TMPRSS11F: variants seen among roughly 807,000 people sequenced by gnomAD.
The protein encoded by TMPRSS11F is transmembrane serine protease 11F.
A neutral mutation model predicts 60.2 loss-of-function variants in TMPRSS11F; 47 were observed. The observed-to-expected ratio is 0.78, with a 90% confidence interval of 0.62 to 1.00. The LOEUF is 1.00. Ranked by LOEUF, TMPRSS11F falls within the 50% of genes least tolerant of loss-of-function variation. The pLI is 0.00. For synonymous variants in TMPRSS11F, 166 were observed against 167.3 expected (o/e 0.99, Z 0.06); for missense variants, 519 against 522.9 (o/e 0.99, Z 0.07).
Position 68,070,609 on chromosome 4 carries a change from C to T in TMPRSS11F, c.515-602G>A, listed in dbSNP as rs533058436. 9.2e-5 allele frequency among the ~76,000 whole-genome samples: 14 copies of T among 152,350 alleles called. 1 individual carries two copies. The highest frequency in any genetic ancestry group is 3.1e-4 in the African/African-American group (13 of 41,582). On this transcript the variant is annotated intron_variant, in intron 5 of 9. Transcript: ENST00000356291. ...GCACTAGAGGCATGAAGTTCTTTCA[C>T]ATACAACCAGTCCAGAGACTCCAGC...
chr4:68,067,552 G>A (rs973658836), intron 7 of TMPRSS11F, among the ~76,000 whole-genome samples: 2 of 152,208 alleles, frequency 1.3e-5, no homozygotes, highest in African/African-American at 2.4e-5. Context: ...AAAAACAGAA[G>A]TGCAAAGATT....
intron 3 of TMPRSS11F, among the ~76,000 whole-genome samples, chr4:68,077,794 T>C (rs1723614949): frequency 2.6e-5 from 4 of 152,200 alleles, no homozygotes; most frequent in Admixed American, 2.0e-4. Flanking sequence ...AGATGGATGA[T>C]GCAAATAAGA....
chr4:68,090,868 T>C lies in TMPRSS11F; in HGVS notation c.164-227A>G, dbSNP rs190679553. On this transcript the variant is annotated intron_variant, in intron 2 of 9. Coordinates refer to ENST00000356291, the MANE Select transcript of TMPRSS11F (RefSeq NM_207407.2). ...CTCATACATAACACTCCATTATAGA[T>C]ATTTATGCATATCAAAATATTCATA... 2.0e-5 allele frequency among the ~76,000 whole-genome samples: 3 copies of C among 152,308 alleles called. No homozygotes were observed. In the East Asian group the frequency reaches 5.8e-4, roughly 29 times the overall value.
intron 1 of TMPRSS11F, among the ~76,000 whole-genome samples, chr4:68,105,716 T>C (rs967413360): frequency 6.6e-6 from 1 of 152,214 alleles, no homozygotes; most frequent in African/African-American, 2.4e-5. Context: ...TTCTCCAGAG[T>C]AATCTGTATA....
At chr4:68,092,129 C>T (rs193189879) in intron 2 of TMPRSS11F, among the ~76,000 whole-genome samples, 2 of 152,132 alleles carry the variant, frequency 1.3e-5, no homozygotes, top group Admixed American at 6.6e-5. Context: ...CATTTTAAAA[C>T]ATTTTTTCAA....
intron 1 of TMPRSS11F, among the ~76,000 whole-genome samples, chr4:68,112,284 A>G (rs188345999): frequency 1.9e-3 from 284 of 151,738 alleles, no homozygotes; most frequent in South Asian, 3.1e-3. Flanking sequence ...TGTGGGCCCC[A>G]TCGGCACTGT....
intron 2 of TMPRSS11F, among the ~76,000 whole-genome samples, chr4:68,091,967 AG>A (rs1723951463): frequency 6.6e-6 from 1 of 151,858 alleles, no homozygotes; most frequent in African/African-American, 2.4e-5. Context: ...TTGTATTTTT[AG>A]TAGAGAACAG....
intron 3 of TMPRSS11F, among the ~76,000 whole-genome samples, chr4:68,088,493 A>G (rs1013720742): frequency 1.3e-5 from 2 of 151,688 alleles, no homozygotes; most frequent in Non-Finnish European, 2.9e-5. Context: ...ACGAGACAGA[A>G]AGTCAACAAG....
chr4:68,084,249 C>A (rs1045609278), intron 3 of TMPRSS11F, among the ~76,000 whole-genome samples: 6 of 152,062 alleles, frequency 3.9e-5, no homozygotes, highest in African/African-American at 1.4e-4. Flanking sequence ...CATATTTAAG[C>A]ATAGGATCCA....
intron 2 of TMPRSS11F, among the ~76,000 whole-genome samples, chr4:68,093,262 T>C (rs10025371): frequency 0.42 from 64,153 of 152,068 alleles, 14,360 homozygotes; most frequent in Non-Finnish European, 0.52. Flanking sequence ...TACCCCTTTA[T>C]ATAAGAGTAC....
At chr4:68,062,223 A>AT (rs1723197685) in intron 8 of TMPRSS11F, 2 of 405,960 alleles carry the variant, frequency 4.9e-6, no homozygotes, top group Non-Finnish European at 9.4e-6. Context: ...TATAATTTTG[A>AT]TTTTTCATAA....
intron 1 of TMPRSS11F, among the ~76,000 whole-genome samples, chr4:68,105,782 A>G (rs986332211): frequency 5.9e-5 from 9 of 152,194 alleles, no homozygotes; most frequent in Non-Finnish European, 8.8e-5. Flanking sequence ...ATAAAAATAA[A>G]TGTTTCTGAA....
At chr4:68,059,489 A>G in intron 8 of TMPRSS11F, 21 bp from the exon 9 acceptor site, 2 of 1,605,812 alleles carry the variant, frequency 1.2e-6, no homozygotes, top group Non-Finnish European at 8.5e-7. Context: ...AATGGATAAA[A>G]AAACAAATAA....
chr4:68,107,954 C>A (rs1560409219), intron 1 of TMPRSS11F, among the ~76,000 whole-genome samples: 1 of 152,054 alleles, frequency 6.6e-6, no homozygotes, highest in African/African-American at 2.4e-5. Context: ...AAAAAAGAAC[C>A]ACTTTGGAGT....
chr4:68,061,774 T>G, intron 8 of TMPRSS11F: 1 of 439,226 alleles, frequency 2.3e-6, no homozygotes, highest in South Asian at 1.6e-5. Context: ...ATACAGGAAG[T>G]GCTTTCAACA....
At chr4:68,083,136 T>G (rs1723740160) in intron 3 of TMPRSS11F, among the ~76,000 whole-genome samples, 1 of 152,106 alleles carries the variant, frequency 6.6e-6, no homozygotes, top group Admixed American at 6.6e-5. Flanking sequence ...TGACAGTAGG[T>G]CAAAGCATCA....
At chr4:68,103,025 C>T (rs1388576564) in intron 1 of TMPRSS11F, among the ~76,000 whole-genome samples, 2 of 135,406 alleles carry the variant, frequency 1.5e-5, no homozygotes, top group Admixed American at 7.7e-5. Flanking sequence ...GTTTTAATTG[C>T]ATTCTTTTGC....
chr4:68,106,139 G>T (rs1724298900), intron 1 of TMPRSS11F, among the ~76,000 whole-genome samples: 1 of 151,950 alleles, frequency 6.6e-6, no homozygotes, highest in Non-Finnish European at 1.5e-5. Context: ...CAAATAAACA[G>T]AACACAGTAC....
intron 5 of TMPRSS11F, among the ~76,000 whole-genome samples, chr4:68,070,678 ATCT>A (rs1156715708): frequency 1.3e-5 from 2 of 152,204 alleles, no homozygotes; most frequent in Admixed American, 6.5e-5. Flanking sequence ...CTTCTGTGAC[ATCT>A]TTTTTCCCTT....
Sources: gnomAD v4.1 joint callset for allele counts (sites outside exome capture counted in the v4.1 genomes callset) on GRCh38, gnomAD v4.1.1 for gene constraint, MANE v1.5 for transcripts, NCBI Gene and HGNC (gene_info 2026-07-23, HGNC 2026-07-21) for gene names.